Variants in KCND2 observed in about 807,000 individuals in gnomAD.
The protein encoded by KCND2 is A-type voltage-gated potassium channel KCND2.
KCND2 carries 16 observed loss-of-function variants against 54.4 expected under a neutral mutation model. That is an observed-to-expected ratio of 0.29 (90% confidence interval 0.20 to 0.45). The LOEUF is 0.45. Among genes scored for constraint, KCND2 ranks in the 20% least tolerant of loss-of-function variants. The pLI, the probability that KCND2 is intolerant of heterozygous loss-of-function variation, is 1.00. For missense variants in KCND2, 486 were observed against 824.2 expected (o/e 0.59, Z 5.02); for synonymous variants, 317 against 310.7 (o/e 1.02, Z -0.21).
At chr7:120,746,079 G>A (rs1248899561) in intron 5 of KCND2, 52 bp downstream of exon 5, 1 of 1,598,326 alleles carries the variant, frequency 6.3e-7, no homozygotes, top group Non-Finnish European at 8.5e-7. Flanking sequence ...TTCCCAGGGT[G>A]TGTCTTCTGC....
intron 1 of KCND2, among the ~76,000 whole-genome samples, chr7:120,293,506 A>G (rs1246038640): frequency 6.6e-6 from 1 of 151,942 alleles, no homozygotes; most frequent in East Asian, 1.9e-4. Flanking sequence ...TTCACTTTCC[A>G]GGAGGCTCAT....
intron 1 of KCND2, among the ~76,000 whole-genome samples, chr7:120,574,690 A>G (rs1792405723): frequency 6.6e-6 from 1 of 151,970 alleles, no homozygotes; most frequent in Non-Finnish European, 1.5e-5. Flanking sequence ...TGGAATTTTT[A>G]TAGCTTCCAG....
intron 1 of KCND2, among the ~76,000 whole-genome samples, chr7:120,696,217 G>A (rs555259141): frequency 1.1e-4 from 16 of 152,142 alleles, no homozygotes; most frequent in African/African-American, 2.4e-4. Context: ...ATACTTGGTC[G>A]GTAATGAATA....
rs1801915538 is a variant in KCND2 at position 120,439,237 on chromosome 7, T to C, written c.1115+163490T>C. The stretch of plus-strand genomic sequence containing the variant: ...TTTTTTAGGCTCTAGAGCCTACCAA[T>C]TAAACTAGGATTTAAATTGGTTTTC... On this transcript the variant is annotated intron_variant, in intron 1 of 5. Transcript: ENST00000331113. Among the ~76,000 whole-genome samples the C allele has an allele frequency of 2.6e-5, 4 of 152,072 alleles. 1 individual carries two copies. The South Asian group carries it at 8.3e-4, about 31-fold the overall frequency.
intron 1 of KCND2, among the ~76,000 whole-genome samples, chr7:120,665,882 T>A (rs563481793): frequency 6.6e-6 from 1 of 152,086 alleles, no homozygotes; most frequent in African/African-American, 2.4e-5. Flanking sequence ...AATCTGCAGA[T>A]GCTCCATTAG....
At chr7:120,490,543 A>C (rs889370481) in intron 1 of KCND2, among the ~76,000 whole-genome samples, 5 of 152,098 alleles carry the variant, frequency 3.3e-5, no homozygotes, top group Admixed American at 6.6e-5. Context: ...CTATTAAGAG[A>C]AGGAATGCAT....
chr7:120,560,574 G>A (rs73439875), intron 1 of KCND2, among the ~76,000 whole-genome samples: 1,607 of 152,260 alleles, frequency 0.011, 33 homozygotes, highest in African/African-American at 0.037. Context: ...GGACAGAAAG[G>A]TTTCGTGTTT....
chr7:120,468,241 CTAAG>C, intron 1 of KCND2, among the ~76,000 whole-genome samples: 1 of 152,132 alleles, frequency 6.6e-6, no homozygotes, highest in East Asian at 1.9e-4. Context: ...CAAATATTAA[CTAAG>C]TATTTAATTT....
At chr7:120,455,885 A>C (rs1802192327) in intron 1 of KCND2, among the ~76,000 whole-genome samples, 1 of 152,166 alleles carries the variant, frequency 6.6e-6, no homozygotes, top group Non-Finnish European at 1.5e-5. Flanking sequence ...TGGTTGATGA[A>C]ATAATCTGTA....
intron 1 of KCND2, among the ~76,000 whole-genome samples, chr7:120,337,213 A>T (rs932815461): frequency 7.2e-5 from 11 of 152,158 alleles, no homozygotes; most frequent in Non-Finnish European, 1.5e-5. Context: ...CACCTAGAAA[A>T]CCAAATAAGA....
chr7:120,328,685 A>T (rs1212629570), intron 1 of KCND2, among the ~76,000 whole-genome samples: 1 of 152,188 alleles, frequency 6.6e-6, no homozygotes. Context: ...TTTCTGATCT[A>T]CAGGTAACTT....
intron 1 of KCND2, among the ~76,000 whole-genome samples, chr7:120,317,720 T>G (rs891593637): frequency 1.3e-5 from 2 of 152,324 alleles, no homozygotes; most frequent in Non-Finnish European, 2.9e-5. Flanking sequence ...AGTACATGGC[T>G]TCAGAAATTA....
At chr7:120,308,017 A>G (rs1799673265) in intron 1 of KCND2, among the ~76,000 whole-genome samples, 1 of 152,096 alleles carries the variant, frequency 6.6e-6, no homozygotes, top group African/African-American at 2.4e-5. Flanking sequence ...TTCCATGAGT[A>G]CATGTAGAGT....
chr7:120,583,867 G>A (rs1448140983), intron 1 of KCND2, among the ~76,000 whole-genome samples: 1 of 151,768 alleles, frequency 6.6e-6, no homozygotes, highest in Non-Finnish European at 1.5e-5. Flanking sequence ...AGAGAAGAGA[G>A]ACATTAAACT....
chr7:120,475,612 C>T (rs1163414862), intron 1 of KCND2, among the ~76,000 whole-genome samples: 5 of 152,146 alleles, frequency 3.3e-5, no homozygotes, highest in Admixed American at 6.5e-5. Flanking sequence ...TGACTGATTG[C>T]GATGTCAAAT....
chr7:120,724,670 A>G (rs2116116396), intron 1 of KCND2, among the ~76,000 whole-genome samples: 1 of 152,258 alleles, frequency 6.6e-6, no homozygotes, highest in East Asian at 1.9e-4. Context: ...CCAGACTCAC[A>G]GATATGTGAG....
chr7:120,409,248 G>C (rs1801411939), intron 1 of KCND2, among the ~76,000 whole-genome samples: 1 of 151,840 alleles, frequency 6.6e-6, no homozygotes, highest in Non-Finnish European at 1.5e-5. Flanking sequence ...TTTAACCACT[G>C]TGTGCCCCTA....
At chr7:120,707,494 A>G (rs564378268) in intron 1 of KCND2, among the ~76,000 whole-genome samples, 21 of 152,250 alleles carry the variant, frequency 1.4e-4, no homozygotes, top group African/African-American at 4.6e-4. Context: ...CTCTCTGTCC[A>G]TAGGGGAAAT....
chr7:120,397,991 G>A (rs200090238), intron 1 of KCND2, among the ~76,000 whole-genome samples: 1,713 of 35,160 alleles, frequency 0.049, 18 homozygotes, highest in Middle Eastern at 0.14. Flanking sequence ...GTGTGTGTGT[G>A]TGTGTATATA....
Sources: allele counts gnomAD v4.1 joint callset (sites outside exome capture counted in the v4.1 genomes callset), GRCh38; gene constraint gnomAD v4.1.1; transcripts MANE v1.5; gene names NCBI Gene and HGNC (gene_info 2026-07-23, HGNC 2026-07-21).